ADCY2: variants seen among roughly 807,000 people sequenced by gnomAD.
The protein encoded by ADCY2 is adenylate cyclase 2.
In ADCY2, 31 loss-of-function variants were observed where a neutral mutation model predicts 125.2. The observed-to-expected ratio is 0.25, with a 90% CI of 0.19 to 0.33. The LOEUF (loss-of-function observed/expected upper bound fraction) is 0.33, where lower values mean the gene tolerates loss of function less well. Ranked by LOEUF, ADCY2 falls within the 10% of genes least tolerant of loss-of-function variation. The pLI is 1.00. For missense variants in ADCY2, 904 were observed against 1,418.2 expected, an observed-to-expected ratio of 0.64 and a Z score of 5.82; for synonymous variants, 512 against 548.4, an observed-to-expected ratio of 0.93 and a Z score of 0.93.
intron 2 of ADCY2, among the ~76,000 whole-genome samples, chr5:7,507,683 G>GACCTCCT (rs1412247674): frequency 6.6e-6 from 1 of 152,066 alleles, no homozygotes; most frequent in Non-Finnish European, 1.5e-5. Context: ...TAAGGAAAAG[G>GACCTCCT]ACCTCCTGGT....
intron 3 of ADCY2, among the ~76,000 whole-genome samples, chr5:7,546,507 G>A (rs1735152588): frequency 6.6e-6 from 1 of 152,138 alleles, no homozygotes. Flanking sequence ...AGCTGGATTC[G>A]GGGGCAGGCA....
intron 16 of ADCY2, among the ~76,000 whole-genome samples, chr5:7,762,553 T>C (rs559100847): frequency 6.6e-6 from 1 of 152,246 alleles, no homozygotes; most frequent in African/African-American, 2.4e-5. Context: ...CTCCTGTCAC[T>C]CATGTCAGGA....
At chr5:7,539,506 T>C (rs1734927810) in intron 3 of ADCY2, among the ~76,000 whole-genome samples, 1 of 152,224 alleles carries the variant, frequency 6.6e-6, no homozygotes, top group Non-Finnish European at 1.5e-5. Flanking sequence ...CATAGTCAAG[T>C]CATGCATACT....
At chr5:7,481,424 G>T (rs1052957904) in intron 2 of ADCY2, among the ~76,000 whole-genome samples, 3 of 151,978 alleles carry the variant, frequency 2.0e-5, no homozygotes, top group Admixed American at 6.6e-5. Context: ...CTGCCACCAC[G>T]CCTGGCTAAT....
chr5:7,804,099 A>G (rs1047746392), intron 21 of ADCY2, among the ~76,000 whole-genome samples: 8 of 119,650 alleles, frequency 6.7e-5, no homozygotes, highest in African/African-American at 2.2e-4. Context: ...TAATACATAT[A>G]TTAGGCTAGG....
intron 1 of ADCY2, among the ~76,000 whole-genome samples, chr5:7,409,754 A>G (rs921540944): frequency 2.0e-5 from 3 of 152,218 alleles, no homozygotes; most frequent in African/African-American, 7.2e-5. Flanking sequence ...TGGCCTATCA[A>G]TAGCAAGATG....
intron 4 of ADCY2, among the ~76,000 whole-genome samples, chr5:7,627,291 A>G (rs1453023701): frequency 6.6e-6 from 1 of 152,218 alleles, no homozygotes; most frequent in Non-Finnish European, 1.5e-5. Flanking sequence ...GCAAGGAAGC[A>G]TTACAGAAAA....
At position 7,490,943 on chromosome 5, in the gene ADCY2, G is replaced by A. The variant is rs374121190; in HGVS notation, c.409-29795G>A. Among the ~76,000 whole-genome samples the A allele has an allele frequency of 9.9e-5, 15 of 152,204 alleles. No individual in the cohort carries two copies. The East Asian group carries it at 1.7e-3, about 18-fold the overall frequency. On this transcript the variant is annotated intron_variant, in intron 2 of 24. Coordinates refer to ENST00000338316, the MANE Select transcript of ADCY2 (RefSeq NM_020546.3). ...TAGAAACTCTGAAAATGAAATATAC[G>A]TAATTGAGGACATAAACTTGAGGGA...
intron 23 of ADCY2, among the ~76,000 whole-genome samples, chr5:7,820,205 A>G (rs1482265567): frequency 6.6e-6 from 1 of 152,140 alleles, no homozygotes; most frequent in Non-Finnish European, 1.5e-5. Flanking sequence ...GCAAAGGGGA[A>G]GCTTTGGCCT....
At chr5:7,655,495 G>T (rs984223392) in intron 4 of ADCY2, among the ~76,000 whole-genome samples, 8 of 152,238 alleles carry the variant, frequency 5.3e-5, no homozygotes, top group Non-Finnish European at 1.0e-4. Context: ...TCCAGCTGAA[G>T]CCAGGAGGCT....
intron 2 of ADCY2, among the ~76,000 whole-genome samples, chr5:7,464,978 A>T (rs1742050687): frequency 6.6e-6 from 1 of 152,204 alleles, no homozygotes; most frequent in Non-Finnish European, 1.5e-5. Context: ...GGCAAAAGGC[A>T]TGTCTTACAT....
chr5:7,542,851 G>A (rs925873972), intron 3 of ADCY2, among the ~76,000 whole-genome samples: 11 of 152,162 alleles, frequency 7.2e-5, no homozygotes, highest in African/African-American at 2.7e-4. Context: ...CTTGCCAAGT[G>A]GACACATAAA....
intron 4 of ADCY2, among the ~76,000 whole-genome samples, chr5:7,637,777 C>T (rs1045191526): frequency 8.5e-5 from 13 of 152,162 alleles, no homozygotes; most frequent in African/African-American, 2.9e-4. Flanking sequence ...AATAAACCAA[C>T]TGATCCTCTA....
intron 19 of ADCY2, among the ~76,000 whole-genome samples, chr5:7,789,431 GA>G (rs1231920746): frequency 1.3e-5 from 2 of 152,198 alleles, no homozygotes; most frequent in African/African-American, 2.4e-5. Flanking sequence ...CCCTGTTTCT[GA>G]GGCTGGTTCT....
chr5:7,647,236 T>C (rs117212202), intron 4 of ADCY2, among the ~76,000 whole-genome samples: 1 of 152,210 alleles, frequency 6.6e-6, no homozygotes, highest in African/African-American at 2.4e-5. Flanking sequence ...GTTTGGTTGA[T>C]TTTTAACACT....
At chr5:7,634,992 A>T (rs1738444940) in intron 4 of ADCY2, among the ~76,000 whole-genome samples, 1 of 152,162 alleles carries the variant, frequency 6.6e-6, no homozygotes, top group Non-Finnish European at 1.5e-5. Flanking sequence ...CAGACCTAGG[A>T]GGGCCTGAGA....
intron 2 of ADCY2, among the ~76,000 whole-genome samples, chr5:7,486,476 CTG>C (rs1209167851): frequency 1.3e-5 from 2 of 151,630 alleles, no homozygotes; most frequent in Non-Finnish European, 1.5e-5. Flanking sequence ...GTGTTAGAAA[CTG>C]AGAGTTTCAG....
intron 4 of ADCY2, among the ~76,000 whole-genome samples, chr5:7,684,870 A>G (rs1323439444): frequency 6.6e-6 from 1 of 151,930 alleles, no homozygotes; most frequent in African/African-American, 2.4e-5. Context: ...CATGCAAGGA[A>G]AGCACTTGCT....
At chr5:7,620,178 A>G (rs889630422) in intron 3 of ADCY2, among the ~76,000 whole-genome samples, 1 of 152,220 alleles carries the variant, frequency 6.6e-6, no homozygotes, top group African/African-American at 2.4e-5. Context: ...GAAAAATAAC[A>G]TGATGCCTGC....
Sources: allele counts gnomAD v4.1 joint callset (sites outside exome capture counted in the v4.1 genomes callset), GRCh38; gene constraint gnomAD v4.1.1; transcripts MANE v1.5; gene names NCBI Gene and HGNC (gene_info 2026-07-23, HGNC 2026-07-21).